INPP5K: variants seen among roughly 807,000 people sequenced by gnomAD.
The protein encoded by INPP5K is inositol polyphosphate 5-phosphatase K.
INPP5K carries 35 observed loss-of-function variants against 53.5 expected under a neutral mutation model. The ratio of observed to expected loss-of-function variants is 0.65; its 90% CI spans 0.50 to 0.87. The LOEUF is 0.87. INPP5K is among the 40% of genes least tolerant of loss of function. INPP5K has a pLI of 0.00. For synonymous variants in INPP5K, 253 were observed against 232.8 expected (o/e 1.09, Z -0.79); for missense variants, 550 against 586.2 (o/e 0.94, Z 0.64).
rs145033682 is a variant in INPP5K, at chr17:1,507,021, G to A, written c.735C>T (p.Pro245=). The A allele has an allele frequency of 2.5e-3, 4,020 of 1,614,016 alleles. 8 individuals are homozygous for A. Among genetic ancestry groups the A allele is most frequent in the Non-Finnish European group, 3.2e-3 (3,734 of 1,179,954 alleles). ...TGGAGTTCCTATCAAACTTGTAGGT[G>A]GGCGGGAAGAGTAGGCGGCCCTCCT... ...EFQEGRLLFP[P]TYKFDRNSND... is the part of the protein sequence containing the mutation. The change falls in exon 7 of 12, where the codon CCC becomes CCT. Residue 245 remains proline, a synonymous_variant. Transcript: ENST00000421807.
At position 1,495,562 on chromosome 17, in the gene INPP5K, T is replaced by C. The variant is rs551320857; in HGVS notation, c.*261A>G. 986 of 484,320 alleles carry C rather than the reference T, an allele frequency of 2.0e-3. 2 individuals are homozygous for C. The highest frequency in any genetic ancestry group is 3.1e-3 in the Non-Finnish European group (841 of 272,468). 30.0% of individuals were successfully genotyped at this position (484,320 alleles called of 1,614,324 possible). On this transcript the variant is annotated 3_prime_UTR_variant, in exon 12 of 12. Coordinates refer to ENST00000421807, the MANE Select transcript of INPP5K (RefSeq NM_016532.4). ...AATCCAGAAATGAGACGCAGAACTG[T>C]CCCCAGGTCTTCACTGTTGACACAC...
chr17:1,504,046 C>T (rs1391478763), intron 7 of INPP5K, among the ~76,000 whole-genome samples: 1 of 152,234 alleles, frequency 6.6e-6, no homozygotes, highest in Non-Finnish European at 1.5e-5. Flanking sequence ...TCTGACAGGC[C>T]TCTCCTAGCT....
chr17:1,507,386 T>C (rs79638085), intron 6 of INPP5K: 19,986 of 364,758 alleles, frequency 0.055, 673 homozygotes, highest in Non-Finnish European at 0.072. Flanking sequence ...CTAGCAGACA[T>C]GTGTCAGAGG....
At chr17:1,514,092 G>A (rs377214544) in intron 1 of INPP5K, 113 bp from the exon 2 acceptor site, 8 of 563,284 alleles carry the variant, frequency 1.4e-5, no homozygotes, top group East Asian at 6.5e-5. Flanking sequence ...GGCGGCCGAG[G>A]TGGGCGGATC....
chr17:1,504,702 A>G (rs2075112768), intron 7 of INPP5K, among the ~76,000 whole-genome samples: 1 of 152,230 alleles, frequency 6.6e-6, no homozygotes, highest in African/African-American at 2.4e-5. Context: ...CCTAACGAGG[A>G]CATGGTAGGA....
rs781609867 is a variant in INPP5K at position 1,495,914 on chromosome 17, C to T, written c.1291-35G>A. On this transcript the variant is annotated intron_variant, in intron 11 of 11. Transcript: ENST00000421807. The stretch of plus-strand genomic sequence containing the variant: ...TAAAGCAGGTGGTGGAAATGGAGAG[C>T]GGGTCTTCCTCCGTGCTTTCCATCA... 274 of 1,573,768 alleles carry T rather than the reference C, an allele frequency of 1.7e-4. 1 individual carries two copies. Among genetic ancestry groups the T allele is most frequent in the Middle Eastern group, 1.7e-4 (1 of 5,994 alleles).
Position 1,508,136 on chromosome 17 carries a change from A to T in INPP5K, c.645T>A (p.Gly215=). Residue 215 remains glycine (G), a synonymous_variant, in exon 6 of 12, where the codon GGT becomes GGA. Transcript: ENST00000421807. ...ATACCTGGTCCTTCTCCCACAGGCC[A>T]CCGTAGCACCGATTTTTAATGGATT... ...VRESIKNRCY[G]GLWEKDQLSI... is the part of the protein sequence containing the mutation. 1 of 1,613,826 alleles carries T rather than the reference A, an allele frequency of 6.2e-7. No individual in the cohort carries two copies. The highest frequency in any genetic ancestry group is 8.5e-7 in the Non-Finnish European group (1 of 1,179,754).
intron 7 of INPP5K, among the ~76,000 whole-genome samples, chr17:1,503,527 T>C (rs2075082920): frequency 6.6e-6 from 1 of 151,944 alleles, no homozygotes; most frequent in South Asian, 2.1e-4. Flanking sequence ...GGGTTCTCAC[T>C]CTGATGGTGA....
intron 5 of INPP5K, among the ~76,000 whole-genome samples, chr17:1,508,733 C>T (rs573830791): frequency 1.4e-4 from 21 of 149,056 alleles, no homozygotes; most frequent in East Asian, 1.9e-4. Flanking sequence ...CTTGGGTTAG[C>T]GTGGGGCAGA....
chr17:1,509,033 C>T, intron 5 of INPP5K, 145 bp downstream of exon 5: 1 of 699,702 alleles, frequency 1.4e-6, no homozygotes, highest in South Asian at 1.7e-5. Context: ...GGGCGGGGAA[C>T]AGTCTGCAGA....
intron 7 of INPP5K, among the ~76,000 whole-genome samples, chr17:1,501,204 C>G (rs965374892): frequency 6.6e-6 from 1 of 152,232 alleles, no homozygotes; most frequent in East Asian, 1.9e-4. Flanking sequence ...GTGATCCGCC[C>G]GCCTCGGCCT....
intron 3 of INPP5K, 138 bp downstream of exon 3, chr17:1,513,315 G>C (rs986502045): frequency 1.1e-5 from 8 of 754,880 alleles, no homozygotes; most frequent in Non-Finnish European, 1.8e-5. Context: ...AGGTGGAAGG[G>C]AGGTTTAGCC....
chr17:1,503,783 C>T lies in INPP5K; in HGVS notation c.776+3197G>A, dbSNP rs115272664. On this transcript the variant is annotated intron_variant, in intron 7 of 11. Transcript: ENST00000421807. ...CTATAACAAAACTCCAGTGTAACCC[C>T]GGACTTTAGCAGGATTCCCGCCCTG... Among the ~76,000 whole-genome samples the T allele has an allele frequency of 6.4e-3, 973 of 152,262 alleles. 18 individuals carry two copies. Among genetic ancestry groups the T allele is most frequent in the African/African-American group, 0.022 (925 of 41,554 alleles).
intron 4 of INPP5K, 77 bp downstream of exon 4, chr17:1,509,606 C>T (rs2075258650): frequency 9.6e-7 from 1 of 1,044,148 alleles, no homozygotes; most frequent in Admixed American, 1.8e-5. Flanking sequence ...ATTCCTTTCA[C>T]TTCCTTTTTC....
intron 7 of INPP5K, among the ~76,000 whole-genome samples, chr17:1,499,577 T>TC (rs2074953140): frequency 6.6e-6 from 1 of 152,204 alleles, no homozygotes; most frequent in Non-Finnish European, 1.5e-5. Flanking sequence ...GGTAATACGC[T>TC]CCGGAGACAA....
intron 1 of INPP5K, 28 bp downstream of exon 1, chr17:1,516,428 C>A (rs572970822): frequency 6.3e-7 from 1 of 1,585,404 alleles, no homozygotes; most frequent in South Asian, 1.1e-5. Context: ...CCCGAGCAGG[C>A]CTGCCTCTGC....
chr17:1,516,222 G>A, intron 1 of INPP5K: 8 of 920,490 alleles, frequency 8.7e-6, no homozygotes, highest in Non-Finnish European at 1.2e-5. Flanking sequence ...TCTCCAGAAA[G>A]CAACCGGGAC....
intron 5 of INPP5K, 120 bp from the exon 6 acceptor site, chr17:1,508,346 G>A (rs1020969407): frequency 1.4e-5 from 11 of 771,090 alleles, no homozygotes; most frequent in African/African-American, 1.4e-4. Flanking sequence ...TGAGGGGCAA[G>A]TGAGACGCCA....
chr17:1,515,568 C>T (rs936019983), intron 1 of INPP5K: 2 of 985,566 alleles, frequency 2.0e-6, no homozygotes, highest in African/African-American at 3.5e-5. Context: ...ATGAGGAGTA[C>T]CTGCAGCAGC....
Sources: allele counts gnomAD v4.1 joint callset (sites outside exome capture counted in the v4.1 genomes callset), GRCh38; gene constraint gnomAD v4.1.1; transcripts MANE v1.5; gene names NCBI Gene and HGNC (gene_info 2026-07-23, HGNC 2026-07-21).